The following NOTCH2 variants were observed in gnomAD, a reference collection of about 807,000 sequenced individuals.
NOTCH2 encodes the protein notch receptor 2.
NOTCH2 carries 29 observed loss-of-function variants against 235.8 expected under a neutral mutation model. The observed-to-expected ratio is 0.12, with a 90% CI of 0.09 to 0.17. NOTCH2 has a LOEUF of 0.17. NOTCH2 is among the 10% of genes least tolerant of loss of function. NOTCH2 has a pLI of 1.00. For missense variants in NOTCH2, 2,285 were observed against 3,150.2 expected, an observed-to-expected ratio of 0.73 and a Z score of 6.57; for synonymous variants, 1,086 against 1,141.5, an observed-to-expected ratio of 0.95 and a Z score of 0.98.
chr1:119,960,148 A>G (rs782662309), intron 11 of NOTCH2, among the ~76,000 whole-genome samples: 1 of 152,232 alleles, frequency 6.6e-6, no homozygotes, highest in African/African-American at 2.4e-5. Flanking sequence ...TTGAGTATTT[A>G]GCAAATATTA....
At chr1:119,989,918 GAA>G (rs1652166825) in intron 4 of NOTCH2, among the ~76,000 whole-genome samples, 1 of 141,960 alleles carries the variant, frequency 7.0e-6, no homozygotes, top group South Asian at 2.3e-4. Context: ...GACAGTTCCT[GAA>G]AAGGTTAAAC....
intron 1 of NOTCH2, among the ~76,000 whole-genome samples, chr1:120,065,976 G>A (rs1479392376): frequency 6.6e-6 from 1 of 150,904 alleles, no homozygotes; most frequent in African/African-American, 2.4e-5. Flanking sequence ...GACGTATATA[G>A]ATAAAGGGTC....
At chr1:119,935,114 A>G (rs1305026774) in intron 22 of NOTCH2, 2 of 985,246 alleles carry the variant, frequency 2.0e-6, no homozygotes, top group African/African-American at 3.5e-5. Flanking sequence ...AAAAGCAGGT[A>G]AATGTAAATT....
intron 1 of NOTCH2, among the ~76,000 whole-genome samples, chr1:120,065,849 T>C (rs1655485382): frequency 6.6e-6 from 1 of 152,078 alleles, no homozygotes; most frequent in Non-Finnish European, 1.5e-5. Flanking sequence ...AACTGAGACA[T>C]CAAGAAAGGA....
In NOTCH2 at chr1:120,048,235, G is replaced by A. The variant is rs587673043; in HGVS notation, c.74-18248C>T. The stretch of plus-strand genomic sequence containing the variant: ...CAGACCTCAATATTCACATATATAC[G>A]TGCATAGCAAAAACAAAAATTTCAA... On this transcript the variant is annotated intron_variant, in intron 1 of 33. Coordinates refer to ENST00000256646, the MANE Select transcript of NOTCH2 (RefSeq NM_024408.4). Among the ~76,000 whole-genome samples the A allele has an allele frequency of 1.5e-3, 214 of 139,190 alleles. No individual in the cohort carries two copies. In the Middle Eastern group the frequency reaches 0.021, roughly 14 times the overall value. The allele number at this position is 139,190 out of a possible 152,430, so 91.3% of individuals were successfully genotyped here. A position where few individuals can be genotyped will look rare whatever the true frequency, so the allele number is the denominator to read the frequency against.
Position 119,978,117 on chromosome 1 carries a change from G to T in NOTCH2, c.875-8373C>A, listed in dbSNP as rs782175133. 5.3e-5 allele frequency among the ~76,000 whole-genome samples: 8 copies of T among 152,272 alleles called. No individual in the cohort carries two copies. The South Asian group carries it at 6.2e-4, about 12-fold the overall frequency. On this transcript the variant is annotated intron_variant, in intron 5 of 33. Coordinates refer to ENST00000256646, the MANE Select transcript of NOTCH2 (RefSeq NM_024408.4). The stretch of plus-strand genomic sequence containing the variant: ...TAACTTTTAAGAGAAGGCCTGGGAG[G>T]AGCGTGCCAGGTTGTGAAAGAGGGG...
intron 1 of NOTCH2, among the ~76,000 whole-genome samples, chr1:120,037,253 T>A (rs1313336311): frequency 6.6e-6 from 1 of 150,880 alleles, no homozygotes; most frequent in African/African-American, 2.5e-5. Context: ...TTTTAACTTT[T>A]TCTTCAATGT....
rs587707944 is a variant in NOTCH2, at chr1:120,031,150, C to T, written c.74-1163G>A. 2.8e-3 allele frequency among the ~76,000 whole-genome samples: 414 copies of T among 150,198 alleles called. 6 individuals carry two copies. Among genetic ancestry groups the T allele is most frequent in the African/African-American group, 9.7e-3 (395 of 40,740 alleles). On this transcript the variant is annotated intron_variant, in intron 1 of 33. Transcript: ENST00000256646. ...CATAAATTGTGCAAGATCAGAGAGACGCTAGGCCTGGCCATCCCTGGCCAC... is the reference window on the plus strand; with the variant it reads ...CATAAATTGTGCAAGATCAGAGAGATGCTAGGCCTGGCCATCCCTGGCCAC...
Position 119,915,056 on chromosome 1 carries a change from C to A in NOTCH2, c.*250G>T. On this transcript the variant is annotated 3_prime_UTR_variant, in exon 34 of 34. Coordinates refer to ENST00000256646, the MANE Select transcript of NOTCH2 (RefSeq NM_024408.4). ...AAATAGAAGAGAGTAAACATGGACC[C>A]AAGGCTTGTATTCATCTTGCATTTC... The A allele has an allele frequency of 1.8e-6, 1 of 546,670 alleles. No individual in the cohort carries two copies. The highest frequency in any genetic ancestry group is 2.0e-5 in the South Asian group (1 of 49,254). The allele number at this position is 546,670 out of a possible 1,614,324, so 33.9% of individuals were successfully genotyped here.
intron 17 of NOTCH2, among the ~76,000 whole-genome samples, chr1:119,943,179 C>A (rs1650126531): frequency 6.6e-6 from 1 of 152,164 alleles, no homozygotes; most frequent in African/African-American, 2.4e-5. Context: ...TCACTGCCGG[C>A]ACCTAGCATG....
intron 21 of NOTCH2, among the ~76,000 whole-genome samples, chr1:119,936,182 G>A (rs1649842413): frequency 1.3e-5 from 2 of 152,172 alleles, no homozygotes; most frequent in Admixed American, 1.3e-4. Context: ...GCTTTATTTG[G>A]ACACTTTGAC....
At chr1:119,923,115 G>C (rs1350908731) in intron 26 of NOTCH2, among the ~76,000 whole-genome samples, 1 of 152,192 alleles carries the variant, frequency 6.6e-6, no homozygotes, top group African/African-American at 2.4e-5. Context: ...TACCTACTCA[G>C]TGGTACTTGG....
chr1:119,925,357 C>T lies in NOTCH2; in HGVS notation c.4459G>A (p.Val1487Ile), dbSNP rs1649439425. 6.2e-7 allele frequency: 1 copy of T among 1,614,050 alleles called. No homozygotes were observed. Among genetic ancestry groups the T allele is most frequent in the Admixed American group, 1.7e-5 (1 of 60,008 alleles). Residue 1487 changes from valine to isoleucine, a missense_variant, in exon 25 of 34, where the codon GTC becomes ATC. Physicochemically the swap from Val to Ile is conservative, Grantham distance 29. Around this residue, in one of 6 missense-constraint regions of NOTCH2, gnomAD observed 1,173 missense variants for 1,515.3 expected, o/e 0.77. Transcript: ENST00000256646. ...TCAAAGTTGTCAAACAGGCACTCGA[C>T]CGTGTTGCACAGCTCATCACACTGG... is the stretch of plus-strand genomic sequence containing the variant. The part of the protein sequence containing the change: ...NNQCDELCNT[V>I]ECLFDNFECQ...
Position 119,963,617 on chromosome 1 carries a change from G to A in NOTCH2, c.1872C>T (p.Asp624=), listed in dbSNP as rs1570696991. 1.2e-6 allele frequency: 2 copies of A among 1,614,168 alleles called. No homozygotes were observed. The highest frequency in any genetic ancestry group is 1.3e-5 in the African/African-American group (1 of 75,044). ...AGTTGCACTGGTAGCCATTGACCAG[G>A]TCAATGCAGCGACCATCGTTCAGGC... ...SPCLNDGRCI[D]LVNGYQCNCQ... is the part of the protein sequence containing the mutation. The change falls in exon 11 of 34, where the codon GAC becomes GAT. Residue 624 remains aspartate, a synonymous_variant. Coordinates refer to ENST00000256646, the MANE Select transcript of NOTCH2 (RefSeq NM_024408.4).
At chr1:119,944,403 C>T (rs894135161) in intron 17 of NOTCH2, among the ~76,000 whole-genome samples, 8 of 151,982 alleles carry the variant, frequency 5.3e-5, no homozygotes, top group East Asian at 1.9e-4. Context: ...GGCGTGGTGG[C>T]GGGCACCTGT....
chr1:119,937,568 ATCTTAT>A, intron 20 of NOTCH2, 102 bp from the exon 21 acceptor site: 2 of 1,137,884 alleles, frequency 1.8e-6, no homozygotes, highest in Non-Finnish European at 2.6e-6. Context: ...GACACATCCA[ATCTTAT>A]TCTTAGCCAG....
intron 1 of NOTCH2, 63 bp downstream of exon 1, chr1:120,069,271 G>T (rs1263101161): frequency 6.5e-7 from 1 of 1,526,964 alleles, no homozygotes; most frequent in Non-Finnish European, 8.7e-7. Flanking sequence ...CCGAGGGGGA[G>T]AAGGGTCGCC....
chr1:120,000,326 G>A (rs1652699070), intron 3 of NOTCH2, among the ~76,000 whole-genome samples: 1 of 152,034 alleles, frequency 6.6e-6, no homozygotes, highest in Non-Finnish European at 1.5e-5. Flanking sequence ...ATGAGGTCAG[G>A]CGATCCAGAC....
At chr1:119,986,092 G>C (rs1553202193) in intron 5 of NOTCH2, among the ~76,000 whole-genome samples, 1 of 152,154 alleles carries the variant, frequency 6.6e-6, no homozygotes, top group Non-Finnish European at 1.5e-5. Flanking sequence ...AGAATACCAG[G>C]TAGTAATGGC....
Sources: gnomAD v4.1 joint callset for allele counts (sites outside exome capture counted in the v4.1 genomes callset) on GRCh38, gnomAD v4.1.1 for gene constraint, gnomAD v4.1.1 regional missense constraint, MANE v1.5 for transcripts, NCBI Gene and HGNC (gene_info 2026-07-23, HGNC 2026-07-21) for gene names.